The following EDIL3 variants were observed in gnomAD, a reference collection of about 807,000 sequenced individuals.
EDIL3 encodes the protein EGF like and discoidin domains 3.
In EDIL3, 37 loss-of-function variants were observed where a neutral mutation model predicts 67.4. The observed-to-expected ratio is 0.55, with a 90% CI of 0.42 to 0.72. The LOEUF (loss-of-function observed/expected upper bound fraction) is 0.72. EDIL3 is among the 30% of genes least tolerant of loss of function. The pLI is 0.00. For synonymous variants in EDIL3, 195 were observed against 196.3 expected (o/e 0.99, Z 0.05); for missense variants, 527 against 586.3 (o/e 0.90, Z 1.04).
At chr5:84,225,557 A>G (rs1744434213) in intron 3 of EDIL3, among the ~76,000 whole-genome samples, 2 of 151,674 alleles carry the variant, frequency 1.3e-5, no homozygotes, top group Admixed American at 6.6e-5. Flanking sequence ...AAAAAAATCC[A>G]TATTATTTTG....
intron 9 of EDIL3, among the ~76,000 whole-genome samples, chr5:83,970,858 C>T (rs970581183): frequency 4.0e-5 from 6 of 151,262 alleles, no homozygotes; most frequent in African/African-American, 1.2e-4. Context: ...TTGCTTTGGA[C>T]AGAACAAAGT....
chr5:84,026,154 A>G (rs549616824), intron 9 of EDIL3, among the ~76,000 whole-genome samples: 1 of 152,306 alleles, frequency 6.6e-6, no homozygotes, highest in South Asian at 2.1e-4. Context: ...TAAAGGATGT[A>G]CTGACTCAGA....
At chr5:84,311,524 T>A (rs1383467902) in intron 1 of EDIL3, among the ~76,000 whole-genome samples, 2 of 151,990 alleles carry the variant, frequency 1.3e-5, no homozygotes, top group Non-Finnish European at 2.9e-5. Flanking sequence ...GTAATCTGTA[T>A]CTTAAACTGG....
intron 3 of EDIL3, among the ~76,000 whole-genome samples, chr5:84,205,006 G>A (rs947938004): frequency 5.9e-5 from 9 of 151,802 alleles, no homozygotes; most frequent in African/African-American, 1.5e-4. Flanking sequence ...TTGATCTCCC[G>A]GGCACAAGCA....
intron 1 of EDIL3, among the ~76,000 whole-genome samples, chr5:84,311,540 G>A (rs913390567): frequency 1.3e-4 from 19 of 151,924 alleles, no homozygotes; most frequent in South Asian, 2.1e-4. Context: ...ACTGGTTATG[G>A]GTAGTAGGGT....
chr5:84,045,283 A>G (rs1746201388), intron 9 of EDIL3, among the ~76,000 whole-genome samples: 1 of 152,186 alleles, frequency 6.6e-6, no homozygotes, highest in Non-Finnish European at 1.5e-5. Flanking sequence ...CAGCCAAACC[A>G]TATCAGTAGA....
chr5:84,145,395 G>A (rs1278808168), intron 4 of EDIL3, among the ~76,000 whole-genome samples: 3 of 152,072 alleles, frequency 2.0e-5, no homozygotes, highest in African/African-American at 4.8e-5. Flanking sequence ...GCATAATGGC[G>A]ACCATGTAGT....
chr5:84,193,132 T>C (rs1312341746), intron 3 of EDIL3, among the ~76,000 whole-genome samples: 1 of 151,986 alleles, frequency 6.6e-6, no homozygotes, highest in Non-Finnish European at 1.5e-5. Flanking sequence ...TATGGACACA[T>C]GAATACATTT....
At chr5:83,990,789 A>G (rs2112158942) in intron 9 of EDIL3, among the ~76,000 whole-genome samples, 1 of 152,010 alleles carries the variant, frequency 6.6e-6, no homozygotes, top group African/African-American at 2.4e-5. Flanking sequence ...CTGAAACAGG[A>G]GAATTGCTTG....
At chr5:83,987,424 T>C (rs7728285) in intron 9 of EDIL3, among the ~76,000 whole-genome samples, 53,049 of 152,008 alleles carry the variant, frequency 0.35, 10,131 homozygotes, top group East Asian at 0.64. Context: ...TACCAAATAG[T>C]GTTCTATCTT....
At chr5:84,381,801 T>C (rs1748080709) in intron 1 of EDIL3, among the ~76,000 whole-genome samples, 1 of 152,352 alleles carries the variant, frequency 6.6e-6, no homozygotes, top group African/African-American at 2.4e-5. Flanking sequence ...AATAATTTAA[T>C]AGTTAATAAA....
At chr5:84,172,800 CAAT>C (rs968614129) in intron 4 of EDIL3, among the ~76,000 whole-genome samples, 16 of 152,226 alleles carry the variant, frequency 1.1e-4, no homozygotes, top group Admixed American at 5.9e-4. Context: ...CACCCAACAA[CAAT>C]GATAAGCTAA....
intron 2 of EDIL3, among the ~76,000 whole-genome samples, chr5:84,235,601 T>A (rs1744666060): frequency 6.6e-6 from 1 of 152,042 alleles, no homozygotes; most frequent in Non-Finnish European, 1.5e-5. Flanking sequence ...ACATCCGTAG[T>A]TTTCAAAACA....
chr5:84,052,622 A>G (rs971002850), intron 9 of EDIL3, among the ~76,000 whole-genome samples: 1 of 152,218 alleles, frequency 6.6e-6, no homozygotes, highest in Non-Finnish European at 1.5e-5. Context: ...AGATGTACCA[A>G]GCAAATGGAA....
chr5:83,995,006 T>C (rs1471700998), intron 9 of EDIL3, among the ~76,000 whole-genome samples: 2 of 152,168 alleles, frequency 1.3e-5, no homozygotes, highest in African/African-American at 4.8e-5. Context: ...TGTATAAATT[T>C]TGTGTATTTT....
At chr5:84,186,210 G>C (rs564073811) in intron 3 of EDIL3, among the ~76,000 whole-genome samples, 1 of 152,098 alleles carries the variant, frequency 6.6e-6, no homozygotes, top group South Asian at 2.1e-4. Flanking sequence ...TATTACTAAA[G>C]TAATATGTAA....
intron 5 of EDIL3, among the ~76,000 whole-genome samples, chr5:84,118,556 T>C (rs755819056): frequency 1.2e-4 from 18 of 152,222 alleles, no homozygotes; most frequent in Non-Finnish European, 2.4e-4. Context: ...CTGTTCCTCA[T>C]TGGAATTTTG....
intron 5 of EDIL3, among the ~76,000 whole-genome samples, chr5:84,129,574 T>G (rs1163730240): frequency 6.6e-6 from 1 of 152,066 alleles, no homozygotes; most frequent in Non-Finnish European, 1.5e-5. Flanking sequence ...TCAAGCAAAG[T>G]AGAACAATCT....
At chr5:84,306,152 C>T (rs984049445) in intron 1 of EDIL3, among the ~76,000 whole-genome samples, 1 of 152,164 alleles carries the variant, frequency 6.6e-6, no homozygotes, top group African/African-American at 2.4e-5. Flanking sequence ...TGAATGAGGC[C>T]TTCTAGCTAT....
Sources: allele counts gnomAD v4.1 joint callset (sites outside exome capture counted in the v4.1 genomes callset), GRCh38; gene constraint gnomAD v4.1.1; transcripts MANE v1.5; gene names NCBI Gene and HGNC (gene_info 2026-07-23, HGNC 2026-07-21).